The following LRP1B variants were observed in gnomAD, a reference collection of about 807,000 sequenced individuals.
LRP1B encodes the protein LDL receptor related protein 1B, also known as low-density lipoprotein receptor-related protein 1B.
Under a neutral mutation model 556.6 loss-of-function variants are expected in LRP1B, and 217 were observed. The ratio of observed to expected loss-of-function variants is 0.39; its 90% CI spans 0.35 to 0.44. The LOEUF (loss-of-function observed/expected upper bound fraction) is 0.44. Ranked by LOEUF, LRP1B falls within the 20% of genes least tolerant of loss-of-function variation. LRP1B has a pLI of 1.00. For synonymous variants in LRP1B, 2,047 were observed against 1,865.8 expected, an observed-to-expected ratio of 1.10 and a Z score of -2.50; for missense variants, 5,053 against 5,620.8, an observed-to-expected ratio of 0.90 and a Z score of 3.23.
chr2:141,827,238 C>T (rs1225987933), intron 1 of LRP1B, among the ~76,000 whole-genome samples: 1 of 152,158 alleles, frequency 6.6e-6, no homozygotes, highest in East Asian at 1.9e-4. Context: ...GAATTATCCT[C>T]CTAAATGCTC....
intron 43 of LRP1B, among the ~76,000 whole-genome samples, chr2:140,596,611 C>A (rs1682451672): frequency 6.6e-6 from 1 of 152,120 alleles, no homozygotes; most frequent in Admixed American, 6.6e-5. Context: ...AAGGAGAGAA[C>A]AAATGTATTG....
intron 3 of LRP1B, among the ~76,000 whole-genome samples, chr2:141,346,056 A>G (rs73963023): frequency 0.033 from 5,019 of 151,720 alleles, 269 homozygotes; most frequent in African/African-American, 0.11. Context: ...TTGTTTCAGG[A>G]TAGTAATATA....
chr2:141,551,014 T>C (rs1404027633), intron 2 of LRP1B, among the ~76,000 whole-genome samples: 1 of 152,076 alleles, frequency 6.6e-6, no homozygotes, highest in African/African-American at 2.4e-5. Context: ...ACTGAATAAG[T>C]ACATTTTACT....
At position 140,717,070 on chromosome 2, in the gene LRP1B, T is replaced by A. The variant is rs571852136; in HGVS notation, c.5759-254A>T. Among the ~76,000 whole-genome samples the A allele has an allele frequency of 4.3e-4, 66 of 152,200 alleles. No individual in the cohort carries two copies. The South Asian group carries it at 8.9e-3, about 21-fold the overall frequency. ...ATATTATAGAAATAATCTATTGCAT[T>A]GTTTATTGTTTTTATTAATTTCTCT... On this transcript the variant is annotated intron_variant, in intron 35 of 90. Coordinates refer to ENST00000389484, the MANE Select transcript of LRP1B (RefSeq NM_018557.3).
intron 11 of LRP1B, among the ~76,000 whole-genome samples, chr2:141,037,993 A>C (rs1272848649): frequency 6.6e-6 from 1 of 152,006 alleles, no homozygotes; most frequent in Non-Finnish European, 1.5e-5. Context: ...TAATGGGACT[A>C]GTTCAAATAA....
At chr2:140,811,902 T>TATAA (rs577187756) in intron 32 of LRP1B, among the ~76,000 whole-genome samples, 1 of 152,092 alleles carries the variant, frequency 6.6e-6, no homozygotes, top group Non-Finnish European at 1.5e-5. Flanking sequence ...TATAATGCTC[T>TATAA]ATAAATAGCA....
intron 2 of LRP1B, among the ~76,000 whole-genome samples, chr2:141,791,253 A>G (rs866570619): frequency 6.6e-6 from 1 of 152,022 alleles, no homozygotes; most frequent in Non-Finnish European, 1.5e-5. Context: ...ATGAAATTGT[A>G]CTAAAACATA....
chr2:140,232,553 G>T lies in LRP1B; in HGVS notation c.*633C>A, dbSNP rs1435309087. On this transcript the variant is annotated 3_prime_UTR_variant, in exon 91 of 91. Coordinates refer to ENST00000389484, the MANE Select transcript of LRP1B (RefSeq NM_018557.3). Reference sequence around the variant, plus strand: ...CATCACATAGAGTCCACTAAGTTTTGGAAAATGTAGTCATCTGTGTTCATG... The same window carrying T: ...CATCACATAGAGTCCACTAAGTTTTTGAAAATGTAGTCATCTGTGTTCATG... The T allele has an allele frequency of 6.6e-6, 1 of 151,606 alleles. No individual in the cohort carries two copies. Among genetic ancestry groups the T allele is most frequent in the East Asian group, 2.0e-4 (1 of 5,102 alleles). 9.4% of individuals were successfully genotyped at this position (151,606 alleles called of 1,614,324 possible).
chr2:141,354,158 C>T (rs1348952417), intron 3 of LRP1B, among the ~76,000 whole-genome samples: 1 of 151,850 alleles, frequency 6.6e-6, no homozygotes, highest in African/African-American at 2.4e-5. Flanking sequence ...CAAACCCCCA[C>T]GACAAACAGT....
chr2:141,734,016 T>G (rs1289802971), intron 2 of LRP1B, among the ~76,000 whole-genome samples: 1 of 152,160 alleles, frequency 6.6e-6, no homozygotes, highest in Non-Finnish European at 1.5e-5. Flanking sequence ...GTCTCATACC[T>G]ATCATAATAT....
At chr2:140,931,280 TTTA>T (rs1448861597) in intron 20 of LRP1B, among the ~76,000 whole-genome samples, 1 of 152,160 alleles carries the variant, frequency 6.6e-6, no homozygotes, top group East Asian at 1.9e-4. Flanking sequence ...TATTTCTTGG[TTTA>T]TTATTCACAT....
chr2:141,346,990 A>G (rs1688276047), intron 3 of LRP1B, among the ~76,000 whole-genome samples: 1 of 152,080 alleles, frequency 6.6e-6, no homozygotes, highest in South Asian at 2.1e-4. Context: ...ACCATCTTTA[A>G]CCGGAATAAA....
intron 35 of LRP1B, among the ~76,000 whole-genome samples, chr2:140,762,345 G>A (rs574181208): frequency 6.6e-6 from 1 of 152,062 alleles, no homozygotes; most frequent in East Asian, 1.9e-4. Flanking sequence ...CTGAAACCCA[G>A]TTTAATATTA....
rs1239063915 is a variant in LRP1B, at chr2:141,250,594, T to G, written c.464-3240A>C. Among the ~76,000 whole-genome samples the G allele has an allele frequency of 2.6e-5, 4 of 152,094 alleles. No individual in the cohort carries two copies. The South Asian group carries it at 6.2e-4, about 24-fold the overall frequency. On this transcript the variant is annotated intron_variant, in intron 4 of 90. Coordinates refer to ENST00000389484, the MANE Select transcript of LRP1B (RefSeq NM_018557.3). ...AAGGAAAATATTTCCTTGAGTTCTGTGAGTGGTTATAGTGAATGACTACAT... is the reference window on the plus strand; with the variant it reads ...AAGGAAAATATTTCCTTGAGTTCTGGGAGTGGTTATAGTGAATGACTACAT...
At chr2:142,096,264 C>G (rs938678431) in intron 1 of LRP1B, among the ~76,000 whole-genome samples, 1 of 151,672 alleles carries the variant, frequency 6.6e-6, no homozygotes, top group East Asian at 1.9e-4. Flanking sequence ...CACACTAAGA[C>G]TCGGTAACAG....
chr2:140,248,182 C>A (rs556763057), intron 86 of LRP1B, among the ~76,000 whole-genome samples: 1 of 151,640 alleles, frequency 6.6e-6, no homozygotes, highest in East Asian at 1.9e-4. Flanking sequence ...CGATGCTATA[C>A]GAATTATTTG....
intron 86 of LRP1B, among the ~76,000 whole-genome samples, chr2:140,250,353 G>A (rs1681356658): frequency 6.6e-6 from 1 of 151,714 alleles, no homozygotes; most frequent in Non-Finnish European, 1.5e-5. Context: ...ACAGATGGAT[G>A]GATAGACAGA....
chr2:140,390,308 T>C lies in LRP1B; in HGVS notation c.10415-4299A>G, dbSNP rs1683959563. Among the ~76,000 whole-genome samples, 5 of 152,150 alleles carry C rather than the reference T, an allele frequency of 3.3e-5. No homozygotes were observed. The South Asian group carries it at 1.0e-3, about 32-fold the overall frequency. Reference sequence around the variant, plus strand: ...AAAATGAATTAAAAAATAAGTAATGTACATATGGTCAATTGAGTTTCAATA... The same window carrying C: ...AAAATGAATTAAAAAATAAGTAATGCACATATGGTCAATTGAGTTTCAATA... On this transcript the variant is annotated intron_variant, in intron 66 of 90. Coordinates refer to ENST00000389484, the MANE Select transcript of LRP1B (RefSeq NM_018557.3).
intron 2 of LRP1B, among the ~76,000 whole-genome samples, chr2:141,683,976 C>G (rs1691197094): frequency 6.6e-6 from 1 of 151,842 alleles, no homozygotes. Flanking sequence ...AATAGGAACA[C>G]TTTTACATGG....
Sources: allele counts gnomAD v4.1 joint callset (sites outside exome capture counted in the v4.1 genomes callset), GRCh38; gene constraint gnomAD v4.1.1; transcripts MANE v1.5; gene names NCBI Gene and HGNC (gene_info 2026-07-23, HGNC 2026-07-21).